CYREN: variants seen among roughly 807,000 people sequenced by gnomAD.
CYREN encodes the protein cell cycle regulator of NHEJ.
Under a neutral mutation model 9.7 loss-of-function variants are expected in CYREN, and 7 were observed. The ratio of observed to expected loss-of-function variants is 0.72; its 90% CI spans 0.41 to 1.36. The LOEUF (loss-of-function observed/expected upper bound fraction) is 1.36. Ranked by LOEUF, CYREN falls within the 40% of genes most tolerant of loss-of-function variation. The pLI is 0.01. For synonymous variants in CYREN, 76 were observed against 77.9 expected (o/e 0.98, Z 0.13); for missense variants, 215 against 198.1 (o/e 1.09, Z -0.51).
intron 2 of CYREN, chr7:135,128,987 T>C (rs1828346339): frequency 1.9e-6 from 3 of 1,592,416 alleles, no homozygotes; most frequent in Non-Finnish European, 2.6e-6. Context: ...AGTGCAGGCA[T>C]GTGTACTGCA....
chr7:135,116,561 G>T, intron 2 of CYREN, among the ~76,000 whole-genome samples: 1 of 152,274 alleles, frequency 6.6e-6, no homozygotes, highest in South Asian at 2.1e-4. Context: ...ATTGAGTATG[G>T]AAATCTCGGC....
At chr7:135,147,133 A>G (rs1829563007) in intron 2 of CYREN, among the ~76,000 whole-genome samples, 1 of 152,222 alleles carries the variant, frequency 6.6e-6, no homozygotes. Flanking sequence ...TCCAGTCCCC[A>G]GAGCAACCAT....
chr7:135,141,183 G>A (rs553256219), intron 2 of CYREN, among the ~76,000 whole-genome samples: 1 of 152,068 alleles, frequency 6.6e-6, no homozygotes, highest in African/African-American at 2.4e-5. Context: ...AATCTGTATG[G>A]TCCAGGGCCT....
chr7:135,135,161 C>G, intron 2 of CYREN: 1 of 1,551,062 alleles, frequency 6.4e-7, no homozygotes, highest in Non-Finnish European at 8.7e-7. Flanking sequence ...CAGCAAAGCT[C>G]TAAGCATACA....
chr7:135,111,338 T>C (rs1585180253), intron 2 of CYREN, among the ~76,000 whole-genome samples: 1 of 152,328 alleles, frequency 6.6e-6, no homozygotes, highest in East Asian at 1.9e-4. Context: ...ACTTGTATAC[T>C]TCTCAACCTA....
intron 2 of CYREN, among the ~76,000 whole-genome samples, chr7:135,138,640 A>G (rs1020486822): frequency 3.3e-5 from 5 of 152,102 alleles, no homozygotes; most frequent in African/African-American, 4.8e-5. Flanking sequence ...GGTTTGTTAC[A>G]TGGGTAAATT....
At chr7:135,115,417 C>T (rs1372533194) in intron 2 of CYREN, 5 of 1,551,082 alleles carry the variant, frequency 3.2e-6, no homozygotes, top group East Asian at 2.4e-5. Context: ...TAAAAGAATG[C>T]ATATCTTTCC....
At chr7:135,145,388 T>C (rs890411718) in intron 2 of CYREN, among the ~76,000 whole-genome samples, 4 of 152,150 alleles carry the variant, frequency 2.6e-5, no homozygotes, top group Non-Finnish European at 4.4e-5. Flanking sequence ...AGAAATGCCT[T>C]TGATGCAGGA....
intron 2 of CYREN, among the ~76,000 whole-genome samples, chr7:135,125,818 A>C (rs1281110506): frequency 6.6e-6 from 1 of 152,182 alleles, no homozygotes; most frequent in East Asian, 1.9e-4. Context: ...AATAGATGCA[A>C]AAAAGAGTTT....
chr7:135,137,459 A>T (rs1184757995), intron 2 of CYREN, among the ~76,000 whole-genome samples: 1 of 152,076 alleles, frequency 6.6e-6, no homozygotes, highest in Non-Finnish European at 1.5e-5. Flanking sequence ...GAAAAAAAGG[A>T]ACACAAGAAA....
intron 2 of CYREN, among the ~76,000 whole-genome samples, chr7:135,110,916 C>G (rs1260845231): frequency 1.3e-5 from 2 of 152,108 alleles, no homozygotes. Context: ...ATTACAGAGC[C>G]CTGCTGGAGA....
downstream of CYREN, among the ~76,000 whole-genome samples, chr7:135,161,281 G>A (rs373471336): frequency 6.6e-6 from 1 of 152,180 alleles, no homozygotes; most frequent in Non-Finnish European, 1.5e-5. This position sits in a 1 kb window ranked among gnomAD's most constrained non-coding sequence, Gnocchi z 4.1. Flanking sequence ...CAATCTCCCC[G>A]AGGAGCCACA....
intron 2 of CYREN, among the ~76,000 whole-genome samples, chr7:135,114,737 C>T (rs1434495456): frequency 2.0e-5 from 3 of 152,206 alleles, no homozygotes; most frequent in Non-Finnish European, 4.4e-5. Context: ...CAAGAGATCT[C>T]CCTGTTTGTT....
intron 2 of CYREN, chr7:135,147,896 GCT>G (rs1829578954): frequency 2.2e-6 from 1 of 455,880 alleles, no homozygotes; most frequent in African/African-American, 2.0e-5. Context: ...CATTTACCTG[GCT>G]CTTTAAATCA....
intron 2 of CYREN, among the ~76,000 whole-genome samples, chr7:135,113,628 G>T (rs1221445493): frequency 2.6e-5 from 4 of 152,080 alleles, no homozygotes; most frequent in Non-Finnish European, 5.9e-5. Context: ...TTTACTCAGG[G>T]TTCCACCCAC....
In CYREN at chr7:135,151,781, C is replaced by T. The variant is rs949422170; in HGVS notation, n.356+16968G>A. Among the ~76,000 whole-genome samples the T allele has an allele frequency of 5.3e-5, 8 of 152,200 alleles. No individual in the cohort carries two copies. Among genetic ancestry groups the T allele is most frequent in the African/African-American group, 1.7e-4 (7 of 41,442 alleles). ...GCTGGCTATGTAACTTGCCCAAGGT[C>T]ATATGACTAGTGAGTGACAGAACGA... On this transcript the variant is annotated intron_variant and non_coding_transcript_variant, in intron 2 of 2. Coordinates refer to the CYREN transcript ENST00000459937. This position sits in a 1 kb window ranked among gnomAD's most constrained non-coding sequence, Gnocchi z 4.3.
chr7:135,137,553 G>A (rs562602921), intron 2 of CYREN, among the ~76,000 whole-genome samples: 1 of 151,834 alleles, frequency 6.6e-6, no homozygotes, highest in South Asian at 2.1e-4. Context: ...TACCAGGAAT[G>A]ATAAATACCA....
intron 2 of CYREN, among the ~76,000 whole-genome samples, chr7:135,105,697 T>A (rs1005511152): frequency 1.3e-5 from 2 of 152,202 alleles, no homozygotes; most frequent in African/African-American, 4.8e-5. Context: ...TTGCTTAGGA[T>A]TGCCTTTGCT....
chr7:135,116,382 A>G (rs1417650685), intron 2 of CYREN, among the ~76,000 whole-genome samples: 2 of 152,164 alleles, frequency 1.3e-5, no homozygotes, highest in East Asian at 1.9e-4. Context: ...TATACTTAAT[A>G]TACAAAGAGT....
Sources: gnomAD v4.1 joint callset for allele counts (sites outside exome capture counted in the v4.1 genomes callset) on GRCh38, gnomAD v4.1.1 for gene constraint, Gnocchi (gnomAD v3.1) non-coding constraint, MANE v1.5 for transcripts, NCBI Gene and HGNC (gene_info 2026-07-23, HGNC 2026-07-21) for gene names.